CWH43: variants seen among roughly 807,000 people sequenced by gnomAD.
The protein encoded by CWH43 is PGAP2-interacting protein.
Under a neutral mutation model 85.7 loss-of-function variants are expected in CWH43, and 91 were observed. The ratio of observed to expected loss-of-function variants is 1.06; its 90% CI spans 0.90 to 1.26. The LOEUF (loss-of-function observed/expected upper bound fraction) is 1.26. Among genes scored for constraint, CWH43 ranks in the 50% most tolerant of loss-of-function variants. The pLI, the probability that CWH43 is intolerant of heterozygous loss-of-function variation, is 0.00. For synonymous variants in CWH43, 323 were observed against 293.6 expected (o/e 1.10, Z -1.02); for missense variants, 869 against 839.2 (o/e 1.04, Z -0.44).
chr4:48,992,062 C>T lies in CWH43; in HGVS notation c.483C>T (p.Ala161=). 1 of 1,613,922 alleles carries T rather than the reference C, an allele frequency of 6.2e-7. No individual in the cohort carries two copies. Among genetic ancestry groups the T allele is most frequent in the Non-Finnish European group, 8.5e-7 (1 of 1,179,882 alleles). Reference sequence around the variant, plus strand: ...ACAAAGTGATACTGACATTAAGTGCCATAGCCACACTTGATCGTATTGGCA... The same window carrying T: ...ACAAAGTGATACTGACATTAAGTGCTATAGCCACACTTGATCGTATTGGCA... ...MSNKVILTLS[A]IATLDRIGTD... is the part of the protein sequence containing the mutation. Residue 161 remains alanine, a synonymous_variant, in exon 4 of 16, where the codon GCC becomes GCT. Coordinates refer to ENST00000226432, the MANE Select transcript of CWH43 (RefSeq NM_025087.3). The surrounding 1 kb of genome is among the most constrained non-coding windows in gnomAD (Gnocchi z 4.3).
chr4:49,037,024 T>C (rs943532808), intron 12 of CWH43, among the ~76,000 whole-genome samples: 2 of 152,194 alleles, frequency 1.3e-5, no homozygotes, highest in Non-Finnish European at 2.9e-5. Flanking sequence ...GATTGCCTCA[T>C]TGACTCCTAT....
At chr4:49,027,104 T>C (rs747260176) in intron 9 of CWH43, among the ~76,000 whole-genome samples, 70 of 152,138 alleles carry the variant, frequency 4.6e-4, no homozygotes, top group African/African-American at 1.2e-4. Flanking sequence ...GAAAAATGGA[T>C]TATAAGGGGA....
intron 4 of CWH43, among the ~76,000 whole-genome samples, chr4:48,993,880 G>A (rs572088979): frequency 8.6e-5 from 13 of 151,936 alleles, no homozygotes; most frequent in African/African-American, 2.7e-4. Flanking sequence ...TCAGCCTCCC[G>A]AGTAGCTGGG....
At chr4:48,994,292 C>T (rs987200862) in intron 4 of CWH43, among the ~76,000 whole-genome samples, 1 of 152,090 alleles carries the variant, frequency 6.6e-6, no homozygotes, top group African/African-American at 2.4e-5. Context: ...TCAATTTGTA[C>T]AACATTTGTT....
intron 5 of CWH43, among the ~76,000 whole-genome samples, chr4:48,995,987 C>T (rs1360858007): frequency 6.6e-6 from 1 of 151,514 alleles, no homozygotes; most frequent in Non-Finnish European, 1.5e-5. Flanking sequence ...ACCTGGTGGC[C>T]CCCAATTCTC....
chr4:48,990,417 A>T (rs1288365712), intron 2 of CWH43, among the ~76,000 whole-genome samples: 1 of 152,144 alleles, frequency 6.6e-6, no homozygotes, highest in Non-Finnish European at 1.5e-5. Flanking sequence ...ACTCCCTTCA[A>T]ATACTTCTTA....
intron 10 of CWH43, among the ~76,000 whole-genome samples, chr4:49,030,353 A>AT (rs1022472187): frequency 2.0e-5 from 3 of 152,126 alleles, no homozygotes; most frequent in African/African-American, 4.8e-5. Context: ...CCACTAAGAC[A>AT]TTTTTTTGCC....
At chr4:48,995,873 T>G (rs1246518499) in intron 5 of CWH43, among the ~76,000 whole-genome samples, 1 of 151,886 alleles carries the variant, frequency 6.6e-6, no homozygotes, top group Non-Finnish European at 1.5e-5. Flanking sequence ...TGTCTCTCTT[T>G]AGCAGAATCT....
intron 1 of CWH43, 150 bp from the exon 2 acceptor site, chr4:48,988,327 C>T: frequency 2.2e-6 from 1 of 448,292 alleles, no homozygotes; most frequent in Non-Finnish European, 3.8e-6. Context: ...TTGTTTTGTT[C>T]CATGTCAGTG....
At chr4:49,014,389 C>A (rs1282246815) in intron 8 of CWH43, among the ~76,000 whole-genome samples, 2 of 149,630 alleles carry the variant, frequency 1.3e-5, no homozygotes, top group Non-Finnish European at 2.9e-5. Flanking sequence ...TCTTTTGAGC[C>A]TGGGAGGTCA....
In CWH43 at chr4:49,028,675, G is replaced by A; in HGVS notation, c.1313G>A (p.Gly438Glu). Residue 438 changes from glycine (G) to glutamate (E), a missense_variant, in exon 10 of 16, where the codon GGA (glycine) becomes GAA (glutamate). This residue lies in a region of CWH43 where 577 missense variants were observed against 513.1 expected (regional missense o/e 1.12). Transcript: ENST00000226432. ...VSAAIWPFRF[G>E]YDNEGWSSLE... Reference sequence around the variant, plus strand: ...GCTGCCATCTGGCCTTTCAGGTTTGGATATGACAATGAAGGGTGGTCTAGT... The same window carrying A: ...GCTGCCATCTGGCCTTTCAGGTTTGAATATGACAATGAAGGGTGGTCTAGT... 1 of 1,614,000 alleles carries A rather than the reference G, an allele frequency of 6.2e-7. No homozygotes were observed. The highest frequency in any genetic ancestry group is 1.1e-5 in the South Asian group (1 of 91,080).
chr4:49,041,183 T>G (rs542651715), intron 13 of CWH43, among the ~76,000 whole-genome samples: 317 of 152,244 alleles, frequency 2.1e-3, no homozygotes, highest in African/African-American at 7.2e-3. Flanking sequence ...AGCATGATGC[T>G]TCCAGCTTTG....
intron 5 of CWH43, among the ~76,000 whole-genome samples, chr4:48,996,042 C>T (rs1476499254): frequency 2.6e-5 from 4 of 151,758 alleles, no homozygotes; most frequent in Non-Finnish European, 5.9e-5. Flanking sequence ...TTTCCAAATG[C>T]TTTCTGATCT....
chr4:49,047,126 G>A (rs1486940179), intron 14 of CWH43, among the ~76,000 whole-genome samples: 1 of 152,144 alleles, frequency 6.6e-6, no homozygotes. Flanking sequence ...TAAGATCTGT[G>A]GCCTACATTT....
rs1348130763 is a variant in CWH43 at position 48,986,425 on chromosome 4, C to G, written c.-5C>G. On this transcript the variant is annotated 5_prime_UTR_variant, in exon 1 of 16. Transcript: ENST00000226432. The stretch of plus-strand genomic sequence containing the variant: ...TCCTGGAAAGCGCTGCCCCTCGCCG[C>G]GGCGATGCCCTCGCTGTGGAGAGAA... 2 of 1,545,012 alleles carry G rather than the reference C, an allele frequency of 1.3e-6. No individual in the cohort carries two copies. Among genetic ancestry groups the G allele is most frequent in the Admixed American group, 3.9e-5 (2 of 50,956 alleles).
At chr4:49,045,269 G>A (rs1271120370) in intron 14 of CWH43, among the ~76,000 whole-genome samples, 3 of 151,996 alleles carry the variant, frequency 2.0e-5, no homozygotes, top group African/African-American at 4.8e-5. Context: ...ATTTGATGGG[G>A]CCATTACTAT....
intron 13 of CWH43, among the ~76,000 whole-genome samples, chr4:49,040,737 C>A (rs529762264): frequency 6.6e-6 from 1 of 152,158 alleles, no homozygotes; most frequent in African/African-American, 2.4e-5. Flanking sequence ...TGCAGAAGCT[C>A]TTTAGTTTAA....
intron 8 of CWH43, chr4:49,016,913 G>A (rs1296766754): frequency 2.5e-6 from 2 of 784,948 alleles, no homozygotes; most frequent in Non-Finnish European, 4.7e-6. Flanking sequence ...CTTTGATTAT[G>A]CCAGGGCTGA....
chr4:49,044,972 A>T, intron 14 of CWH43, 125 bp downstream of exon 14: 1 of 689,522 alleles, frequency 1.5e-6, no homozygotes, highest in South Asian at 1.8e-5. Flanking sequence ...AAAGCAATCA[A>T]TGTTTATAAA....
Sources: gnomAD v4.1 joint callset for allele counts (sites outside exome capture counted in the v4.1 genomes callset) on GRCh38, gnomAD v4.1.1 for gene constraint, gnomAD v4.1.1 regional missense constraint, Gnocchi (gnomAD v3.1) non-coding constraint, MANE v1.5 for transcripts, NCBI Gene and HGNC (gene_info 2026-07-23, HGNC 2026-07-21) for gene names.